LIPG: variants seen among roughly 807,000 people sequenced by gnomAD.
LIPG encodes endothelial lipase.
Under a neutral mutation model 51.8 loss-of-function variants are expected in LIPG, and 34 were observed. The ratio of observed to expected loss-of-function variants is 0.66; its 90% CI spans 0.50 to 0.87. LIPG has a LOEUF of 0.87. Ranked by LOEUF, LIPG falls within the 40% of genes least tolerant of loss-of-function variation. LIPG has a pLI of 0.00. For missense variants in LIPG, 580 were observed against 652.7 expected (o/e 0.89, Z 1.21); for synonymous variants, 246 against 246.1 (o/e 1.00, Z 0.00).
At chr18:49,565,563 A>G in intron 2 of LIPG, 65 bp downstream of exon 2, 2 of 1,575,278 alleles carry the variant, frequency 1.3e-6, no homozygotes, top group Non-Finnish European at 1.7e-6. Flanking sequence ...TTGGTCAATT[A>G]GAAAGAATTC....
Position 49,591,070 on chromosome 18 carries a change from C to CGAGATCTACA in LIPG, c.*548_*549insGAGATCTACA. 5.8e-6 allele frequency: 1 copy of CGAGATCTACA among 173,664 alleles called. No individual in the cohort carries two copies. The highest frequency in any genetic ancestry group is 1.4e-4 in the South Asian group (1 of 7,012). 10.8% of individuals were successfully genotyped at this position (173,664 alleles called of 1,614,324 possible). A position where few individuals can be genotyped will look rare whatever the true frequency, so the allele number is the denominator to read the frequency against. ...ACGTCTTAGCCATTCCGTCCTGCTCCCCAGCTCACTCTCTGAAGCACACAT... is the reference window on the plus strand; with the variant it reads ...ACGTCTTAGCCATTCCGTCCTGCTCCGAGATCTACACCAGCTCACTCTCTGAAGCACACAT... On this transcript the variant is annotated 3_prime_UTR_variant, in exon 10 of 10. Coordinates refer to ENST00000261292, the MANE Select transcript of LIPG (RefSeq NM_006033.4).
intron 6 of LIPG, 61 bp from the exon 7 acceptor site, chr18:49,582,301 C>T: frequency 6.2e-7 from 1 of 1,611,184 alleles, no homozygotes. Context: ...CAGTTTGGGT[C>T]AGGGGTCTCC....
chr18:49,594,375 T>G lies in LIPG; in HGVS notation c.*3853T>G, dbSNP rs1162400702. On this transcript the variant is annotated 3_prime_UTR_variant, in exon 10 of 10. Transcript: ENST00000261292. ...GTCTTGAACTCCTGACCTCAAGTGA[T>G]CCACCTACCTCAGCCTTCCAAACTG... 3 of 152,214 alleles carry G rather than the reference T, an allele frequency of 2.0e-5. No homozygotes were observed. The highest frequency in any genetic ancestry group is 4.8e-5 in the African/African-American group (2 of 41,438). 9.4% of individuals were successfully genotyped at this position (152,214 alleles called of 1,614,324 possible). A position where few individuals can be genotyped will look rare whatever the true frequency, so the allele number is the denominator to read the frequency against.
chr18:49,587,844 G>A (rs2084900159), intron 9 of LIPG, among the ~76,000 whole-genome samples: 1 of 151,676 alleles, frequency 6.6e-6, no homozygotes, highest in African/African-American at 2.4e-5. Flanking sequence ...CTGGAGCGCA[G>A]TGGCATGATC....
At position 49,565,441 on chromosome 18, in the gene LIPG, A is replaced by G. The variant is rs1396758692; in HGVS notation, c.222A>G (p.Leu74=). 1 of 1,614,118 alleles carries G rather than the reference A, an allele frequency of 6.2e-7. No individual in the cohort carries two copies. Among genetic ancestry groups the G allele is most frequent in the Non-Finnish European group, 8.5e-7 (1 of 1,180,044 alleles). Residue 74 remains leucine (L), a synonymous_variant, in exon 2 of 10, where the codon TTA becomes TTG. Transcript: ENST00000261292. ...TCTCCGTCGGCCACAGCCAGCCCTT[A>G]GAAGACTGCAGTTTCAACATGACAG... is the stretch of plus-strand genomic sequence containing the variant. ...CYLSVGHSQP[L]EDCSFNMTAK... is the part of the protein sequence containing the mutation.
chr18:49,588,716 C>G (rs951534908), intron 9 of LIPG, among the ~76,000 whole-genome samples: 2 of 152,128 alleles, frequency 1.3e-5, no homozygotes, highest in African/African-American at 4.8e-5. Context: ...TTATTTCAGA[C>G]GTGAGGAAGG....
chr18:49,561,903 C>T, upstream of LIPG: 2 of 1,330,270 alleles, frequency 1.5e-6, no homozygotes, highest in Non-Finnish European at 1.9e-6. Context: ...GAGTGTGCAG[C>T]GCTTTCATTC....
intron 8 of LIPG, among the ~76,000 whole-genome samples, chr18:49,584,726 C>G (rs2084864224): frequency 6.6e-6 from 1 of 152,208 alleles, no homozygotes; most frequent in Non-Finnish European, 1.5e-5. Context: ...ACTGGGGGTG[C>G]TGGCCTGTGG....
intron 9 of LIPG, 50 bp from the exon 10 acceptor site, chr18:49,590,451 T>C: frequency 6.3e-7 from 1 of 1,577,818 alleles, no homozygotes; most frequent in East Asian, 2.3e-5. Context: ...GGTTTGCGCG[T>C]TTGCTGGTGT....
intron 4 of LIPG, among the ~76,000 whole-genome samples, chr18:49,570,085 T>C (rs2084647715): frequency 6.6e-6 from 1 of 152,234 alleles, no homozygotes; most frequent in Non-Finnish European, 1.5e-5. Context: ...ATTCTGCCTC[T>C]GATTTCTATC....
At position 49,596,210 on chromosome 18, in the gene LIPG, A is replaced by G. The variant is rs2084981461; in HGVS notation, c.*5688A>G. Reference sequence around the variant, plus strand: ...AAAAGGTATAAATGTGAAAGTCATCATGCTAATAGATATTATGAAATATAA... The same window carrying G: ...AAAAGGTATAAATGTGAAAGTCATCGTGCTAATAGATATTATGAAATATAA... On this transcript the variant is annotated 3_prime_UTR_variant, in exon 10 of 10. Transcript: ENST00000261292. 6.6e-6 allele frequency: 1 copy of G among 152,256 alleles called. No individual in the cohort carries two copies. Among genetic ancestry groups the G allele is most frequent in the African/African-American group, 2.4e-5 (1 of 41,476 alleles). 9.4% of individuals were successfully genotyped at this position (152,256 alleles called of 1,614,324 possible). A position where few individuals can be genotyped will look rare whatever the true frequency, so the allele number is the denominator to read the frequency against.
chr18:49,584,627 C>A (rs758763851), intron 8 of LIPG, among the ~76,000 whole-genome samples: 1 of 152,198 alleles, frequency 6.6e-6, no homozygotes, highest in Non-Finnish European at 1.5e-5. Flanking sequence ...GGTTTACATT[C>A]GTCATCTATG....
intron 1 of LIPG, among the ~76,000 whole-genome samples, chr18:49,564,441 G>A (rs1039932567): frequency 2.6e-5 from 4 of 152,232 alleles, no homozygotes; most frequent in East Asian, 3.8e-4. Flanking sequence ...GAGCAGGGCC[G>A]TCTCCTAGGT....
At chr18:49,580,393 C>T (rs2084806634) in intron 5 of LIPG, among the ~76,000 whole-genome samples, 2 of 152,176 alleles carry the variant, frequency 1.3e-5, no homozygotes, top group African/African-American at 4.8e-5. Flanking sequence ...GCCGTATTGC[C>T]TCTGTTCCAA....
In LIPG at chr18:49,590,584, G is replaced by A. The variant is rs2084932060; in HGVS notation, c.*62G>A. 3.9e-6 allele frequency: 6 copies of A among 1,528,998 alleles called. No individual in the cohort carries two copies. The Admixed American group carries it at 7.6e-5, about 19-fold the overall frequency. 94.7% of individuals were successfully genotyped at this position (1,528,998 alleles called of 1,614,324 possible). A position where few individuals can be genotyped will look rare whatever the true frequency, so the allele number is the denominator to read the frequency against. On this transcript the variant is annotated 3_prime_UTR_variant, in exon 10 of 10. Transcript: ENST00000261292. ...ACTTCCTGCTATCCAAGCCCATGGA[G>A]GAAAGTTACTGCTGAGGACCCACCC...
chr18:49,570,675 A>G (rs536862010), intron 4 of LIPG, among the ~76,000 whole-genome samples: 18 of 152,284 alleles, frequency 1.2e-4, no homozygotes, highest in South Asian at 1.0e-3. Context: ...CTAAAAATAC[A>G]AAAATTAGCC....
At chr18:49,578,325 C>T (rs1159793294) in intron 5 of LIPG, among the ~76,000 whole-genome samples, 15 of 142,146 alleles carry the variant, frequency 1.1e-4, no homozygotes, top group Admixed American at 7.5e-4. Context: ...CGGGCAGAGA[C>T]GCTCCTCACC....
intron 1 of LIPG, among the ~76,000 whole-genome samples, chr18:49,564,008 C>A (rs887744536): frequency 2.6e-5 from 4 of 152,146 alleles, no homozygotes; most frequent in African/African-American, 9.7e-5. Flanking sequence ...GTTCAAATTT[C>A]TGCTGGTTGG....
At position 49,562,275 on chromosome 18, in the gene LIPG, T is replaced by C; in HGVS notation, c.-34T>C. 1.2e-6 allele frequency: 2 copies of C among 1,612,602 alleles called. No homozygotes were observed. The highest frequency in any genetic ancestry group is 2.7e-5 in the African/African-American group (2 of 74,998). The stretch of plus-strand genomic sequence containing the variant: ...AGAGGTGGTTTTTGTTTTTTAAAAC[T>C]TCTGTTTCTTGGGAGGGGGTGTGGC... On this transcript the variant is annotated 5_prime_UTR_variant, in exon 1 of 10. Transcript: ENST00000261292.
Sources: gnomAD v4.1 joint callset for allele counts (sites outside exome capture counted in the v4.1 genomes callset) on GRCh38, gnomAD v4.1.1 for gene constraint, MANE v1.5 for transcripts, NCBI Gene and HGNC (gene_info 2026-07-23, HGNC 2026-07-21) for gene names.